Variants in ATP8B4 observed in about 807,000 individuals in gnomAD.
ATP8B4 encodes ATPase phospholipid transporting 8B4 (putative), also known as probable phospholipid-transporting ATPase IM.
Under a neutral mutation model 145.6 loss-of-function variants are expected in ATP8B4, and 133 were observed. That is an observed-to-expected ratio of 0.91 (90% CI 0.79 to 1.05). The LOEUF is 1.05. Ranked by LOEUF, ATP8B4 falls within the 50% of genes least tolerant of loss-of-function variation. ATP8B4 has a pLI of 0.00. For synonymous variants in ATP8B4, 507 were observed against 492.9 expected, an observed-to-expected ratio of 1.03 and a Z score of -0.38; for missense variants, 1,458 against 1,425.2, an observed-to-expected ratio of 1.02 and a Z score of -0.37.
chr15:50,069,318 G>C (rs2053578326), intron 3 of ATP8B4, among the ~76,000 whole-genome samples: 1 of 152,116 alleles, frequency 6.6e-6, no homozygotes, highest in African/African-American at 2.4e-5. Context: ...TTTCTCAAAA[G>C]TGCTTTTGAT....
intron 12 of ATP8B4, among the ~76,000 whole-genome samples, chr15:49,978,529 A>C (rs140160515): frequency 2.7e-4 from 41 of 152,236 alleles, no homozygotes; most frequent in African/African-American, 8.7e-4. Context: ...AGGTTTTTGA[A>C]GAGAGATAAA....
chr15:49,908,322 G>A (rs775339808), intron 20 of ATP8B4, among the ~76,000 whole-genome samples: 1 of 152,230 alleles, frequency 6.6e-6, no homozygotes, highest in Non-Finnish European at 1.5e-5. Flanking sequence ...CACCAAGATA[G>A]AGAGTAGATA....
At chr15:50,140,875 A>G (rs1461616437) in intron 1 of ATP8B4, among the ~76,000 whole-genome samples, 2 of 151,994 alleles carry the variant, frequency 1.3e-5, no homozygotes, top group African/African-American at 4.8e-5. Flanking sequence ...CTTTTTTAAA[A>G]CTCCTAAGGT....
At chr15:50,150,910 G>T (rs2044338989) in intron 1 of ATP8B4, among the ~76,000 whole-genome samples, 1 of 152,168 alleles carries the variant, frequency 6.6e-6, no homozygotes, top group African/African-American at 2.4e-5. Context: ...AAAATGGTTG[G>T]CATTAACAGG....
upstream of ATP8B4, among the ~76,000 whole-genome samples, chr15:50,119,720 G>C (rs988704916): frequency 8.2e-5 from 12 of 145,880 alleles, no homozygotes; most frequent in Admixed American, 7.5e-4. Context: ...TGCTTTTGCA[G>C]AGATGAAAGA....
chr15:50,084,562 T>C (rs2054770496), intron 2 of ATP8B4, among the ~76,000 whole-genome samples: 1 of 152,178 alleles, frequency 6.6e-6, no homozygotes, highest in African/African-American at 2.4e-5. Context: ...CAGAATTCTA[T>C]CAGTTTTCCA....
At chr15:50,037,591 A>C (rs946699239) in intron 6 of ATP8B4, among the ~76,000 whole-genome samples, 5 of 152,220 alleles carry the variant, frequency 3.3e-5, no homozygotes, top group Admixed American at 6.5e-5. Flanking sequence ...AGAGTAGGAC[A>C]AAACTCATAC....
chr15:50,042,222 G>A (rs2051348132), intron 5 of ATP8B4, among the ~76,000 whole-genome samples: 1 of 151,426 alleles, frequency 6.6e-6, no homozygotes, highest in African/African-American at 2.4e-5. Context: ...AAATAGGCTA[G>A]AAATTTCATT....
At position 49,876,503 on chromosome 15, in the gene ATP8B4, GCTGTT is replaced by G; in HGVS notation, c.2797_2801del (p.Asn933ArgfsTer17). 1 of 1,614,012 alleles carries G rather than the reference GCTGTT, an allele frequency of 6.2e-7. No homozygotes were observed. Among genetic ancestry groups the G allele is most frequent in the Non-Finnish European group, 8.5e-7 (1 of 1,179,890 alleles). The stretch of plus-strand genomic sequence containing the variant: ...GTTTGTAGAGCTGGGGACAGTCCAC[GCTGTT>G]CTGGTCACTCACATCCTGTAAACAG... On this transcript the variant is annotated frameshift_variant, in exon 25 of 28. Coordinates refer to ENST00000284509, the MANE Select transcript of ATP8B4 (RefSeq NM_024837.4). LOFTEE classifies it high-confidence loss of function.
intron 14 of ATP8B4, among the ~76,000 whole-genome samples, chr15:49,941,042 T>C (rs1377104066): frequency 6.6e-6 from 1 of 152,010 alleles, no homozygotes; most frequent in Non-Finnish European, 1.5e-5. Context: ...GAATTAGGTG[T>C]GATTGCAACC....
At chr15:50,000,876 A>C (rs2047832571) in intron 8 of ATP8B4, among the ~76,000 whole-genome samples, 1 of 152,102 alleles carries the variant, frequency 6.6e-6, no homozygotes, top group Non-Finnish European at 1.5e-5. Flanking sequence ...AGAGCTATTC[A>C]AATTATCTAT....
intron 25 of ATP8B4, among the ~76,000 whole-genome samples, chr15:49,868,988 G>A (rs1220988774): frequency 1.3e-5 from 2 of 151,980 alleles, no homozygotes; most frequent in Non-Finnish European, 2.9e-5. Context: ...GGCTCATGGC[G>A]ACCTCTGCCT....
chr15:50,010,421 TTTCTC>T (rs2048644041), intron 7 of ATP8B4, among the ~76,000 whole-genome samples: 2 of 152,052 alleles, frequency 1.3e-5, no homozygotes, highest in Non-Finnish European at 2.9e-5. Context: ...AAACATATCT[TTTCTC>T]TTTCTCTAGC....
chr15:50,063,796 T>A (rs903070436), intron 3 of ATP8B4, among the ~76,000 whole-genome samples: 1 of 152,126 alleles, frequency 6.6e-6, no homozygotes, highest in Non-Finnish European at 1.5e-5. Context: ...GGAGATCTGT[T>A]TATTTGATGA....
At chr15:49,912,523 A>C (rs1390541780) in intron 20 of ATP8B4, among the ~76,000 whole-genome samples, 1 of 152,184 alleles carries the variant, frequency 6.6e-6, no homozygotes, top group Non-Finnish European at 1.5e-5. Flanking sequence ...TTGAGTCTGC[A>C]ATAAAAAGTC....
intron 14 of ATP8B4, among the ~76,000 whole-genome samples, chr15:49,958,562 G>A (rs1268554538): frequency 1.3e-5 from 2 of 151,550 alleles, no homozygotes; most frequent in Non-Finnish European, 3.0e-5. Flanking sequence ...ATAATAAAAA[G>A]AACCACAGAT....
intron 23 of ATP8B4, among the ~76,000 whole-genome samples, chr15:49,892,244 T>G (rs1232482354): frequency 6.6e-6 from 1 of 152,114 alleles, no homozygotes; most frequent in Non-Finnish European, 1.5e-5. Flanking sequence ...TTTCTTAAAG[T>G]GTGACAAGTT....
chr15:49,947,910 A>G (rs2042721108), intron 14 of ATP8B4, among the ~76,000 whole-genome samples: 1 of 152,190 alleles, frequency 6.6e-6, no homozygotes, highest in Non-Finnish European at 1.5e-5. Context: ...GGAAAACTAG[A>G]TATGCACAGG....
intron 25 of ATP8B4, among the ~76,000 whole-genome samples, chr15:49,871,946 G>C (rs1237455899): frequency 6.6e-6 from 1 of 152,184 alleles, no homozygotes; most frequent in Non-Finnish European, 1.5e-5. Context: ...AATGGGCTGG[G>C]AGTATATGGA....
Sources: gnomAD v4.1 joint callset for allele counts (sites outside exome capture counted in the v4.1 genomes callset) on GRCh38, gnomAD v4.1.1 for gene constraint, MANE v1.5 for transcripts, NCBI Gene and HGNC (gene_info 2026-07-23, HGNC 2026-07-21) for gene names.